The following PIK3R5 variants were observed in gnomAD, a reference collection of about 807,000 sequenced individuals.
PIK3R5 encodes phosphoinositide 3-kinase regulatory subunit 5.
Under a neutral mutation model 94.9 loss-of-function variants are expected in PIK3R5, and 32 were observed. The ratio of observed to expected loss-of-function variants is 0.34; its 90% CI spans 0.25 to 0.45. The LOEUF (loss-of-function observed/expected upper bound fraction) is 0.45. Ranked by LOEUF, PIK3R5 falls within the 20% of genes least tolerant of loss-of-function variation. PIK3R5 has a pLI of 1.00. For missense variants in PIK3R5, 853 were observed against 1,144.6 expected (o/e 0.75, Z 3.68); for synonymous variants, 443 against 479.4 (o/e 0.92, Z 0.99).
intron 1 of PIK3R5, among the ~76,000 whole-genome samples, chr17:8,931,942 G>T (rs2090993738): frequency 6.6e-6 from 1 of 152,148 alleles, no homozygotes; most frequent in African/African-American, 2.4e-5. Context: ...TAAATTAACT[G>T]CCTGGCAGAA....
intron 5 of PIK3R5, among the ~76,000 whole-genome samples, chr17:8,903,240 G>A (rs112776779): frequency 7.2e-5 from 11 of 152,012 alleles, no homozygotes; most frequent in African/African-American, 2.7e-4. Context: ...GTAATTTGAG[G>A]ATGCCACTTT....
intron 1 of PIK3R5, among the ~76,000 whole-genome samples, chr17:8,946,820 C>T (rs1230762179): frequency 6.6e-6 from 1 of 152,096 alleles, no homozygotes; most frequent in Non-Finnish European, 1.5e-5. Context: ...GCCTGGCTCA[C>T]TCCTTCACTT....
At chr17:8,943,560 C>T (rs1047489025) in intron 1 of PIK3R5, among the ~76,000 whole-genome samples, 3 of 152,118 alleles carry the variant, frequency 2.0e-5, no homozygotes, top group African/African-American at 4.8e-5. Flanking sequence ...ATCATCAGGT[C>T]AGGAGTTCGA....
At chr17:8,961,076 G>A (rs980762599) in intron 1 of PIK3R5, among the ~76,000 whole-genome samples, 2 of 152,184 alleles carry the variant, frequency 1.3e-5, no homozygotes, top group African/African-American at 2.4e-5. Flanking sequence ...GAAGGAGGGG[G>A]CGGTCAGTGC....
chr17:8,899,069 C>G (rs998037022), intron 5 of PIK3R5, among the ~76,000 whole-genome samples: 55 of 152,330 alleles, frequency 3.6e-4, no homozygotes, highest in African/African-American at 1.3e-3. Context: ...TTGTGGTCGG[C>G]ACAGCTATGC....
rs1049388836 is a variant in PIK3R5, at chr17:8,887,632, G to A, written c.1668C>T (p.Phe556=). Residue 556 remains phenylalanine, a synonymous_variant, in exon 11 of 19, where the codon TTC becomes TTT. Coordinates refer to ENST00000447110, the MANE Select transcript of PIK3R5 (RefSeq NM_001142633.3). ...GACTTCGCTTCACAGGCACGTAGAA[G>A]AACTGAAGTTTGAAGAACCGTGTGA... is the stretch of plus-strand genomic sequence containing the variant. ...PLLTRFFKLQ[F]FYVPVKRSHG... 6.2e-7 allele frequency: 1 copy of A among 1,609,734 alleles called. No homozygotes were observed. The highest frequency in any genetic ancestry group is 8.5e-7 in the Non-Finnish European group (1 of 1,178,038).
chr17:8,932,234 CT>C (rs201002352), intron 1 of PIK3R5, among the ~76,000 whole-genome samples: 7,566 of 146,936 alleles, frequency 0.051, 644 homozygotes, highest in African/African-American at 0.18. Context: ...AATTGGAAAC[CT>C]TTTTTTTTTT....
At chr17:8,927,840 T>C (rs922634235) in intron 1 of PIK3R5, among the ~76,000 whole-genome samples, 4 of 152,152 alleles carry the variant, frequency 2.6e-5, no homozygotes, top group African/African-American at 9.7e-5. Flanking sequence ...GAGTGAGTAC[T>C]CACTCTTCAT....
chr17:8,959,816 C>T (rs1263619639), intron 1 of PIK3R5, among the ~76,000 whole-genome samples: 2 of 152,184 alleles, frequency 1.3e-5, no homozygotes, highest in Admixed American at 1.3e-4. Flanking sequence ...CAATCCAGAT[C>T]AGGGCTTCTG....
In PIK3R5 at chr17:8,880,793, A is replaced by G; in HGVS notation, c.2496-7T>C. 6.2e-7 allele frequency: 1 copy of G among 1,613,130 alleles called. No individual in the cohort carries two copies. Among genetic ancestry groups the G allele is most frequent in the Non-Finnish European group, 8.5e-7 (1 of 1,179,332 alleles). On this transcript the variant is annotated splice_polypyrimidine_tract_variant and splice_region_variant and intron_variant, in intron 18 of 18. Transcript: ENST00000447110. The stretch of plus-strand genomic sequence containing the variant: ...GCACGGTGAGACCTCACATCTGTGC[A>G]GCAGGGCAGGGGCCAGGGATCAGAG...
intron 1 of PIK3R5, among the ~76,000 whole-genome samples, chr17:8,932,536 G>A (rs1209517660): frequency 6.6e-6 from 1 of 151,966 alleles, no homozygotes; most frequent in Non-Finnish European, 1.5e-5. Flanking sequence ...CACCCGGCCT[G>A]GAAGCTATTT....
rs1030871376 is a variant in PIK3R5, at chr17:8,896,915, C to T, written c.413-3260G>A. ...CCCGGCCCCAACGGCATTGCAATCT[C>T]CAAATGAGACTAGATCAGGTTTGGT... On this transcript the variant is annotated intron_variant, in intron 5 of 18. Coordinates refer to ENST00000447110, the MANE Select transcript of PIK3R5 (RefSeq NM_001142633.3). This position sits in a 1 kb window ranked among gnomAD's most constrained non-coding sequence, Gnocchi z 4.0. Among the ~76,000 whole-genome samples, 4 of 152,172 alleles carry T rather than the reference C, an allele frequency of 2.6e-5. No individual in the cohort carries two copies. The highest frequency in any genetic ancestry group is 9.7e-5 in the African/African-American group (4 of 41,432).
intron 1 of PIK3R5, among the ~76,000 whole-genome samples, chr17:8,912,253 A>C (rs1417210748): frequency 1.3e-5 from 2 of 152,198 alleles, no homozygotes; most frequent in East Asian, 3.8e-4. Context: ...GGGCCAGCCC[A>C]GCTTCTTAGT....
rs140783772 is a variant in PIK3R5, at chr17:8,956,502, T to C, written c.-14+9094A>G. Among the ~76,000 whole-genome samples the C allele has an allele frequency of 5.4e-3, 821 of 152,286 alleles. 16 individuals carry two copies. Among genetic ancestry groups the C allele is most frequent in the African/African-American group, 0.019 (778 of 41,546 alleles). On this transcript the variant is annotated intron_variant, in intron 1 of 18. Transcript: ENST00000447110. ...AGGTGGTCAGAATCATAGAGTCCAGTTGGTCCAGGAGGAAACAGACTCAGC... is the reference window on the plus strand; with the variant it reads ...AGGTGGTCAGAATCATAGAGTCCAGCTGGTCCAGGAGGAAACAGACTCAGC...
chr17:8,928,740 C>G (rs1231317273), intron 1 of PIK3R5, among the ~76,000 whole-genome samples: 2 of 152,082 alleles, frequency 1.3e-5, no homozygotes, highest in Non-Finnish European at 2.9e-5. Flanking sequence ...CATCCCTACT[C>G]TAGAAGAATG....
At chr17:8,901,605 T>A (rs1313587876) in intron 5 of PIK3R5, among the ~76,000 whole-genome samples, 1 of 152,194 alleles carries the variant, frequency 6.6e-6, no homozygotes, top group East Asian at 1.9e-4. Context: ...GTGTGTTTAA[T>A]GTGTAAGGTG....
At chr17:8,885,589 C>T (rs558767718) in intron 14 of PIK3R5, among the ~76,000 whole-genome samples, 302 of 141,104 alleles carry the variant, frequency 2.1e-3, no homozygotes, top group Non-Finnish European at 3.4e-3. Context: ...ACCCCGCCTC[C>T]CCATGGCCCT....
intron 5 of PIK3R5, among the ~76,000 whole-genome samples, chr17:8,902,889 G>T (rs1597389712): frequency 6.8e-6 from 1 of 146,998 alleles, no homozygotes; most frequent in South Asian, 2.2e-4. Flanking sequence ...TTGTTGCCCA[G>T]GCTGGAGTGC....
intron 1 of PIK3R5, among the ~76,000 whole-genome samples, chr17:8,954,872 G>C (rs529006620): frequency 1.3e-5 from 2 of 150,570 alleles, no homozygotes; most frequent in South Asian, 4.2e-4. Context: ...AGGAAGCGGA[G>C]GTTGCAGTGA....
Sources: allele counts gnomAD v4.1 joint callset (sites outside exome capture counted in the v4.1 genomes callset), GRCh38; gene constraint gnomAD v4.1.1; non-coding constraint Gnocchi (gnomAD v3.1); transcripts MANE v1.5; gene names NCBI Gene and HGNC (gene_info 2026-07-23, HGNC 2026-07-21).